The following ARFGEF1 variants were observed in gnomAD, a reference collection of about 807,000 sequenced individuals.
The protein encoded by ARFGEF1 is brefeldin A-inhibited guanine nucleotide-exchange protein 1.
Under a neutral mutation model 231.0 loss-of-function variants are expected in ARFGEF1, and 42 were observed. The observed-to-expected ratio is 0.18, with a 90% CI of 0.14 to 0.24. The LOEUF is 0.24. Among genes scored for constraint, ARFGEF1 ranks in the 10% least tolerant of loss-of-function variants. ARFGEF1 has a pLI of 1.00. For synonymous variants in ARFGEF1, 710 were observed against 732.3 expected (o/e 0.97, Z 0.49); for missense variants, 1,345 against 2,192.0 (o/e 0.61, Z 7.72).
downstream of ARFGEF1, among the ~76,000 whole-genome samples, chr8:67,197,443 G>A (rs1019998079): frequency 2.6e-5 from 4 of 152,090 alleles, no homozygotes; most frequent in Admixed American, 6.5e-5. Context: ...AGTGAGATCC[G>A]GTCTCTAAAA....
At chr8:67,301,136 A>G in intron 3 of ARFGEF1, 88 bp downstream of exon 3, 1 of 1,270,442 alleles carries the variant, frequency 7.9e-7, no homozygotes, top group Non-Finnish European at 1.1e-6. Flanking sequence ...CAAAGCTTTC[A>G]TGGAAATGTC....
At chr8:67,283,858 C>A (rs1328399442) in intron 7 of ARFGEF1, among the ~76,000 whole-genome samples, 1 of 152,132 alleles carries the variant, frequency 6.6e-6, no homozygotes, top group Non-Finnish European at 1.5e-5. Context: ...GAGAGAAAGG[C>A]ACTCTCATAC....
chr8:67,221,491 A>G (rs980691263), intron 29 of ARFGEF1, among the ~76,000 whole-genome samples: 22 of 152,210 alleles, frequency 1.4e-4, no homozygotes, highest in Non-Finnish European at 2.2e-4. Flanking sequence ...AAATAAAAAT[A>G]GAAATAGAAA....
chr8:67,262,521 C>T (rs556242078), intron 14 of ARFGEF1, among the ~76,000 whole-genome samples: 3 of 152,232 alleles, frequency 2.0e-5, no homozygotes, highest in Admixed American at 1.3e-4. Flanking sequence ...AAGTTTGAGA[C>T]GACAGACTCC....
At chr8:67,178,383 A>G (rs1256678692) in intron 5 of ARFGEF1, among the ~76,000 whole-genome samples, 2 of 152,248 alleles carry the variant, frequency 1.3e-5, no homozygotes. Flanking sequence ...TTCAATCAAC[A>G]AATATTTATT....
chr8:67,194,240 AAT>A (rs1454020680), downstream of ARFGEF1, among the ~76,000 whole-genome samples: 7 of 152,256 alleles, frequency 4.6e-5, no homozygotes, highest in African/African-American at 1.7e-4. Flanking sequence ...TGGTAATAAT[AAT>A]AGTTTTAGCA....
At chr8:67,327,276 TAGA>T (rs1012774811) in intron 1 of ARFGEF1, among the ~76,000 whole-genome samples, 3 of 152,012 alleles carry the variant, frequency 2.0e-5, no homozygotes, top group Non-Finnish European at 2.9e-5. Context: ...TTTGCATTTG[TAGA>T]AGTTCTTCAG....
intron 20 of ARFGEF1, 95 bp from the exon 21 acceptor site, chr8:67,238,988 T>G (rs991415356): frequency 2.0e-6 from 2 of 983,206 alleles, no homozygotes; most frequent in Non-Finnish European, 2.8e-6. Flanking sequence ...TCAGTAAGAT[T>G]TTGTTTTTTT....
Position 67,246,587 on chromosome 8 carries a change from C to A in ARFGEF1, c.2850+4712G>T, listed in dbSNP as rs191242936. Among the ~76,000 whole-genome samples, 7 of 149,672 alleles carry A rather than the reference C, an allele frequency of 4.7e-5. No homozygotes were observed. In the East Asian group the frequency reaches 9.7e-4, roughly 21 times the overall value. On this transcript the variant is annotated intron_variant, in intron 19 of 38. Coordinates refer to ENST00000262215, the MANE Select transcript of ARFGEF1 (RefSeq NM_006421.5). ...ATAATGAAGACACAACGTACCCAAA[C>A]CTATGGAATATAGTGAAAGTAGTCC...
Position 67,299,001 on chromosome 8 carries a change from C to T in ARFGEF1, c.459+208G>A, listed in dbSNP as rs1196397522. Among the ~76,000 whole-genome samples the T allele has an allele frequency of 9.9e-5, 15 of 152,232 alleles. No homozygotes were observed. In the East Asian group the frequency reaches 2.7e-3, roughly 27 times the overall value. On this transcript the variant is annotated intron_variant, in intron 4 of 38. Transcript: ENST00000262215. ...GTTTCACCATGTTGGCCAGGCTGCT[C>T]TCAAACTCCTGACCTCAAGTGATCC...
Position 67,266,136 on chromosome 8 carries a change from A to C in ARFGEF1, c.1993T>G (p.Leu665Val). 2.5e-6 allele frequency: 4 copies of C among 1,613,790 alleles called. No homozygotes were observed. Among genetic ancestry groups the C allele is most frequent in the Non-Finnish European group, 2.5e-6 (3 of 1,179,854 alleles). ...HPETINRYGS[L>V]NSLESTSSSG... ...GATGATGTTGACTCCAGGGAATTTAAACTTCCGTATCTGTTTATTGTCTCA... is the reference window on the plus strand; with the variant it reads ...GATGATGTTGACTCCAGGGAATTTACACTTCCGTATCTGTTTATTGTCTCA... The change falls in exon 14 of 39, where the codon TTA (leucine) becomes GTA (valine). Residue 665 changes from leucine (L) to valine (V), a missense_variant. Physicochemically the swap from Leu to Val is conservative, Grantham distance 32. Transcript: ENST00000262215.
chr8:67,285,403 G>A (rs1343315519), intron 7 of ARFGEF1, among the ~76,000 whole-genome samples: 1 of 152,116 alleles, frequency 6.6e-6, no homozygotes, highest in African/African-American at 2.4e-5. Flanking sequence ...TGTAGACTCA[G>A]ATACTCAGGA....
At chr8:67,240,439 A>G in intron 19 of ARFGEF1, 149 bp from the exon 20 acceptor site, 1 of 697,850 alleles carries the variant, frequency 1.4e-6, no homozygotes, top group Non-Finnish European at 2.2e-6. Flanking sequence ...GGGGAAAACT[A>G]TATAATGCTG....
At chr8:67,302,257 T>C (rs886301441) in intron 2 of ARFGEF1, among the ~76,000 whole-genome samples, 179 bp downstream of exon 2, 4 of 152,058 alleles carry the variant, frequency 2.6e-5, no homozygotes, top group Admixed American at 2.6e-4. Flanking sequence ...TTAAGAAATA[T>C]AATTGTATTT....
At chr8:67,331,018 C>G (rs186240035) in intron 1 of ARFGEF1, among the ~76,000 whole-genome samples, 1 of 151,662 alleles carries the variant, frequency 6.6e-6, no homozygotes, top group Non-Finnish European at 1.5e-5. Flanking sequence ...CATTAGAAAA[C>G]TTAAAAGAAA....
intron 1 of ARFGEF1, among the ~76,000 whole-genome samples, chr8:67,338,486 T>C (rs371981828): frequency 2.3e-4 from 35 of 152,326 alleles, no homozygotes; most frequent in African/African-American, 8.2e-4. Context: ...TGGAGGACTT[T>C]TCAGAATCTT....
At chr8:67,325,193 G>A (rs1055177101) in intron 1 of ARFGEF1, among the ~76,000 whole-genome samples, 2 of 150,354 alleles carry the variant, frequency 1.3e-5, no homozygotes, top group Admixed American at 6.6e-5. Context: ...GATTTCAGGC[G>A]TGAGCCACCA....
intron 3 of ARFGEF1, 63 bp downstream of exon 3, chr8:67,301,161 G>A: frequency 7.1e-7 from 1 of 1,403,900 alleles, no homozygotes; most frequent in Non-Finnish European, 9.6e-7. Context: ...TCATCAATGT[G>A]AGTAATGTTT....
At chr8:67,247,065 C>A (rs1206824356) in intron 19 of ARFGEF1, among the ~76,000 whole-genome samples, 1 of 150,014 alleles carries the variant, frequency 6.7e-6, no homozygotes, top group African/African-American at 2.5e-5. Flanking sequence ...AAAACCTGAA[C>A]AGACCAATAA....
Sources: allele counts gnomAD v4.1 joint callset (sites outside exome capture counted in the v4.1 genomes callset), GRCh38; gene constraint gnomAD v4.1.1; transcripts MANE v1.5; gene names NCBI Gene and HGNC (gene_info 2026-07-23, HGNC 2026-07-21).